The following CDH22 variants were observed in gnomAD, a reference collection of about 807,000 sequenced individuals.
CDH22 encodes the protein cadherin-22.
CDH22 carries 30 observed loss-of-function variants against 58.4 expected under a neutral mutation model. That is an observed-to-expected ratio of 0.51 (90% CI 0.38 to 0.70). The LOEUF (loss-of-function observed/expected upper bound fraction) is 0.70, where lower values mean the gene tolerates loss of function less well. CDH22 is among the 30% of genes least tolerant of loss of function. The probability of loss-of-function intolerance (pLI) is 0.00; values close to 1 mark genes in which losing one functional copy is unlikely to be tolerated. For synonymous variants in CDH22, 513 were observed against 558.2 expected, an observed-to-expected ratio of 0.92 and a Z score of 1.14; for missense variants, 1,014 against 1,233.9, an observed-to-expected ratio of 0.82 and a Z score of 2.67.
At chr20:46,230,848 C>T (rs1568666929) in intron 3 of CDH22, among the ~76,000 whole-genome samples, 1 of 152,314 alleles carries the variant, frequency 6.6e-6, no homozygotes, top group East Asian at 1.9e-4. Context: ...CTATGCTCAG[C>T]ACCAAGGACA....
rs116908740 is a variant in CDH22 at position 46,217,905 on chromosome 20, T to C, written c.671-912A>G. Among the ~76,000 whole-genome samples the C allele has an allele frequency of 1.9e-4, 29 of 151,966 alleles. No homozygotes were observed. In the East Asian group the frequency reaches 5.4e-3, roughly 28 times the overall value. On this transcript the variant is annotated intron_variant, in intron 4 of 11. Transcript: ENST00000537909. ...CATACACACACTGAAATACATACACTTTTTTTCTTTTTCTTTTTTCTTTTC... is the reference window on the plus strand; with the variant it reads ...CATACACACACTGAAATACATACACCTTTTTTCTTTTTCTTTTTTCTTTTC...
intron 4 of CDH22, among the ~76,000 whole-genome samples, chr20:46,221,395 G>T (rs1207170201): frequency 6.6e-6 from 1 of 151,704 alleles, no homozygotes; most frequent in Admixed American, 6.6e-5. Context: ...TAAACCGGAG[G>T]AGCAGCTGAC....
intron 8 of CDH22, among the ~76,000 whole-genome samples, chr20:46,193,584 T>A (rs2085877110): frequency 6.6e-6 from 1 of 152,146 alleles, no homozygotes. Flanking sequence ...CTCCAGGAGA[T>A]GTCTGGTTCC....
At chr20:46,282,708 G>A (rs528338906) in intron 1 of CDH22, among the ~76,000 whole-genome samples, 2 of 152,152 alleles carry the variant, frequency 1.3e-5, no homozygotes, top group South Asian at 2.1e-4. Context: ...TGTTCCCGTC[G>A]TCTTCTCAGA....
intron 2 of CDH22, among the ~76,000 whole-genome samples, chr20:46,249,576 C>T (rs1188147289): frequency 6.6e-6 from 1 of 152,226 alleles, no homozygotes; most frequent in Non-Finnish European, 1.5e-5. Context: ...TTCCTTCTCT[C>T]CTTGTCAAGG....
chr20:46,265,955 C>A (rs1221745641), intron 1 of CDH22, among the ~76,000 whole-genome samples: 1 of 151,984 alleles, frequency 6.6e-6, no homozygotes, highest in Non-Finnish European at 1.5e-5. Flanking sequence ...TACACACACA[C>A]ACACACACAC....
chr20:46,264,682 A>C (rs892445695), intron 1 of CDH22, among the ~76,000 whole-genome samples: 5 of 152,106 alleles, frequency 3.3e-5, no homozygotes, highest in Admixed American at 6.5e-5. Flanking sequence ...TGGCTGCTGG[A>C]AAGGACAGGC....
Position 46,251,969 on chromosome 20 carries a change from G to C in CDH22, c.-399-276C>G, listed in dbSNP as rs1483458986. 6.6e-6 allele frequency among the ~76,000 whole-genome samples: 1 copy of C among 151,748 alleles called. No individual in the cohort carries two copies. The highest frequency in any genetic ancestry group is 1.5e-5 in the Non-Finnish European group (1 of 67,924). ...ACGCCTTTCTCACAGCCCCTGCCCCGCTCAGCCCTCATGCCCACACAAGGA... is the reference window on the plus strand; with the variant it reads ...ACGCCTTTCTCACAGCCCCTGCCCCCCTCAGCCCTCATGCCCACACAAGGA... On this transcript the variant is annotated intron_variant, in intron 1 of 11. Coordinates refer to ENST00000537909, the MANE Select transcript of CDH22 (RefSeq NM_021248.3). This position sits in a 1 kb window ranked among gnomAD's most constrained non-coding sequence, Gnocchi z 6.7.
chr20:46,276,685 T>A lies in CDH22; in HGVS notation c.-399-24992A>T, dbSNP rs147689826. Among the ~76,000 whole-genome samples the A allele has an allele frequency of 5.1e-3, 780 of 152,142 alleles. 3 individuals are homozygous for A. Among genetic ancestry groups the A allele is most frequent in the Non-Finnish European group, 5.7e-3 (390 of 67,992 alleles). ...TGGTGTATCCAGCATGCAGGTAGAG[T>A]CTAATGACGACGTTGGACTTTCAGG... is the stretch of plus-strand genomic sequence containing the variant. On this transcript the variant is annotated intron_variant, in intron 1 of 11. Transcript: ENST00000537909.
chr20:46,288,465 T>C (rs985610489), intron 1 of CDH22, among the ~76,000 whole-genome samples: 15 of 152,168 alleles, frequency 9.9e-5, no homozygotes, highest in African/African-American at 3.6e-4. Context: ...ATGGATTTGC[T>C]GATGACACCC....
At chr20:46,228,715 C>CA (rs1483006394) in intron 3 of CDH22, among the ~76,000 whole-genome samples, 3 of 152,178 alleles carry the variant, frequency 2.0e-5, no homozygotes, top group African/African-American at 7.2e-5. Context: ...GACCCCACCT[C>CA]AGAGAGATGC....
In CDH22 at chr20:46,174,998, G is replaced by T. The variant is rs759069798; in HGVS notation, c.1995C>A (p.Asp665Glu). Residue 665 changes from aspartate to glutamate, a missense_variant, in exon 12 of 12, where the codon GAC becomes GAA. Coordinates refer to ENST00000537909, the MANE Select transcript of CDH22 (RefSeq NM_021248.3). The surrounding 1 kb of genome is among the most constrained non-coding windows in gnomAD (Gnocchi z 4.4). Reference sequence around the variant, plus strand: ...CTTCGTCGTTGTATTTGATGACGTTGTCCCGCATGTCTTCATCCTCGTCCG... The same window carrying T: ...CTTCGTCGTTGTATTTGATGACGTTTTCCCGCATGTCTTCATCCTCGTCCG... ...LSSDEDEDMR[D>E]NVIKYNDEGG... 3.7e-6 allele frequency: 6 copies of T among 1,608,824 alleles called. No individual in the cohort carries two copies. The highest frequency in any genetic ancestry group is 5.1e-6 in the Non-Finnish European group (6 of 1,179,568).
In CDH22 at chr20:46,186,616, G is replaced by A. The variant is rs1376910323; in HGVS notation, c.1635C>T (p.Asn545=). 6.2e-7 allele frequency: 1 copy of A among 1,612,548 alleles called. No individual in the cohort carries two copies. Among genetic ancestry groups the A allele is most frequent in the East Asian group, 2.2e-5 (1 of 44,858 alleles). ...YFRLVPEAPS[N]PHFSLLDIQD... ...GGATGTCAAGCAGAGAGAAATGAGG[G>A]TTGCTGGGAGCTTCAGGCACCAGGC... The change falls in exon 10 of 12, where the codon AAC becomes AAT. Residue 545 remains asparagine, a synonymous_variant. Coordinates refer to ENST00000537909, the MANE Select transcript of CDH22 (RefSeq NM_021248.3).
intron 1 of CDH22, among the ~76,000 whole-genome samples, chr20:46,271,776 C>T (rs1307478735): frequency 6.6e-6 from 1 of 152,032 alleles, no homozygotes; most frequent in Non-Finnish European, 1.5e-5. Flanking sequence ...CTTCTCTAAC[C>T]CACCTGCAGA....
At position 46,174,905 on chromosome 20, in the gene CDH22, C is replaced by A. The variant is rs374948412; in HGVS notation, c.2088G>T (p.Glu696Asp). ...SALRSLYDFGELKGGDGGGSA... is the reference protein window; with the variant it reads ...SALRSLYDFGDLKGGDGGGSA... ...TGCCGCCCCCGTCGCCGCCCTTGAGCTCGCCGAAGTCGTAGAGGCTCCGCA... is the reference window on the plus strand; with the variant it reads ...TGCCGCCCCCGTCGCCGCCCTTGAGATCGCCGAAGTCGTAGAGGCTCCGCA... Residue 696 changes from glutamate to aspartate, a missense_variant, in exon 12 of 12, where the codon GAG becomes GAT. Transcript: ENST00000537909. The surrounding 1 kb of genome is among the most constrained non-coding windows in gnomAD (Gnocchi z 4.4). 1 of 1,411,678 alleles carries A rather than the reference C, an allele frequency of 7.1e-7. No homozygotes were observed. The highest frequency in any genetic ancestry group is 1.3e-5 in the South Asian group (1 of 76,988). The allele number at this position is 1,411,678 out of a possible 1,614,324, so 87.4% of individuals were successfully genotyped here.
chr20:46,244,693 A>T (rs1339560610), intron 2 of CDH22, among the ~76,000 whole-genome samples: 1 of 152,198 alleles, frequency 6.6e-6, no homozygotes, highest in Non-Finnish European at 1.5e-5. Context: ...TAGTCTGCTT[A>T]CAATGCCTAT....
At chr20:46,276,370 C>T (rs999979760) in intron 1 of CDH22, among the ~76,000 whole-genome samples, 4 of 152,074 alleles carry the variant, frequency 2.6e-5, no homozygotes, top group East Asian at 1.9e-4. Context: ...CTGGAGGGGC[C>T]GGAGTTGCTT....
At chr20:46,227,703 G>A (rs2086189061) in intron 3 of CDH22, 76 bp from the exon 4 acceptor site, 2 of 1,523,466 alleles carry the variant, frequency 1.3e-6, no homozygotes, top group East Asian at 2.5e-5. Flanking sequence ...CCTCACCCCA[G>A]GGAAGCTGGG....
chr20:46,255,476 G>A (rs553352684), intron 1 of CDH22, among the ~76,000 whole-genome samples: 5 of 152,312 alleles, frequency 3.3e-5, no homozygotes, highest in East Asian at 1.9e-4. Context: ...ACCCAGTGTC[G>A]GAGTCACAAC....
Sources: gnomAD v4.1 joint callset for allele counts (sites outside exome capture counted in the v4.1 genomes callset) on GRCh38, gnomAD v4.1.1 for gene constraint, Gnocchi (gnomAD v3.1) non-coding constraint, MANE v1.5 for transcripts, NCBI Gene and HGNC (gene_info 2026-07-23, HGNC 2026-07-21) for gene names.